The following CDH1 variants were observed in gnomAD, a reference collection of about 807,000 sequenced individuals.
CDH1 encodes the protein cadherin-1.
CDH1 carries 35 observed loss-of-function variants against 84.5 expected under a neutral mutation model. That is an observed-to-expected ratio of 0.41 (90% CI 0.32 to 0.55). CDH1 has a LOEUF of 0.55. Among genes scored for constraint, CDH1 ranks in the 20% least tolerant of loss-of-function variants. The pLI is 0.19. For synonymous variants in CDH1, 417 were observed against 439.0 expected (o/e 0.95, Z 0.63); for missense variants, 994 against 1,126.6 (o/e 0.88, Z 1.68).
intron 2 of CDH1, among the ~76,000 whole-genome samples, chr16:68,762,525 T>C (rs933057849): frequency 1.3e-5 from 2 of 152,058 alleles, no homozygotes; most frequent in Non-Finnish European, 2.9e-5. Flanking sequence ...ACTTTTGCAG[T>C]GAGGGAGTGC....
At chr16:68,762,648 C>G (rs995500456) in intron 2 of CDH1, among the ~76,000 whole-genome samples, 1 of 152,168 alleles carries the variant, frequency 6.6e-6, no homozygotes, top group African/African-American at 2.4e-5. Context: ...GTGGATCACG[C>G]CTGTATTCTC....
intron 2 of CDH1, among the ~76,000 whole-genome samples, chr16:68,792,033 G>A (rs986518412): frequency 6.6e-6 from 1 of 151,456 alleles, no homozygotes; most frequent in South Asian, 2.1e-4. Context: ...CAATTCTCCT[G>A]CCTTACTCTC....
At chr16:68,796,073 G>T (rs1033981944) in intron 2 of CDH1, among the ~76,000 whole-genome samples, 2 of 151,970 alleles carry the variant, frequency 1.3e-5, no homozygotes, top group Non-Finnish European at 2.9e-5. Flanking sequence ...TGGGGCAGGA[G>T]AATGGCTTGA....
At chr16:68,793,170 C>G (rs1048500673) in intron 2 of CDH1, among the ~76,000 whole-genome samples, 3 of 152,152 alleles carry the variant, frequency 2.0e-5, no homozygotes, top group Non-Finnish European at 2.9e-5. Flanking sequence ...CTTATCTTCC[C>G]TGGAAAAATG....
At chr16:68,754,985 T>C (rs1273914618) in intron 2 of CDH1, among the ~76,000 whole-genome samples, 3 of 152,042 alleles carry the variant, frequency 2.0e-5, no homozygotes, top group Non-Finnish European at 2.9e-5. Flanking sequence ...AGGTGCTCAA[T>C]AGATGTTAGA....
At chr16:68,804,706 C>G (rs1960605009) in intron 3 of CDH1, among the ~76,000 whole-genome samples, 1 of 151,808 alleles carries the variant, frequency 6.6e-6, no homozygotes, top group Admixed American at 6.6e-5. Context: ...CTCTATAGTT[C>G]AAAGGATCCT....
chr16:68,830,910 A>G (rs1022306362), intron 15 of CDH1, among the ~76,000 whole-genome samples: 1 of 152,068 alleles, frequency 6.6e-6, no homozygotes, highest in Admixed American at 6.6e-5. Flanking sequence ...GGATAAGATG[A>G]GAAAGAACCC....
At chr16:68,769,775 A>C (rs568817877) in intron 2 of CDH1, among the ~76,000 whole-genome samples, 1 of 151,996 alleles carries the variant, frequency 6.6e-6, no homozygotes, top group East Asian at 2.0e-4. Flanking sequence ...AAAAGATAAA[A>C]ACATTAGCTG....
At chr16:68,750,519 C>T (rs1962861317) in intron 2 of CDH1, among the ~76,000 whole-genome samples, 1 of 151,938 alleles carries the variant, frequency 6.6e-6, no homozygotes, top group East Asian at 1.9e-4. Context: ...TAAACGGTGG[C>T]CAGCTCAGGA....
rs182311884 is a variant in CDH1, at chr16:68,797,670, G to A, written c.164-4000G>A. 5.2e-3 allele frequency among the ~76,000 whole-genome samples: 792 copies of A among 152,234 alleles called. 5 individuals carry two copies. The highest frequency in any genetic ancestry group is 8.9e-3 in the Non-Finnish European group (605 of 67,996). ...ATTCCACCCTAGGTGACAGAGACCT[G>A]TCTCAAAAAGCACACAAATAAAATT... On this transcript the variant is annotated intron_variant, in intron 2 of 15. Coordinates refer to ENST00000261769, the MANE Select transcript of CDH1 (RefSeq NM_004360.5).
At chr16:68,759,487 CT>C (rs141278700) in intron 2 of CDH1, among the ~76,000 whole-genome samples, 288 of 136,054 alleles carry the variant, frequency 2.1e-3, no homozygotes, top group Non-Finnish European at 2.3e-3. Flanking sequence ...TCTTTTCTTT[CT>C]TTTTTTTTTT....
intron 2 of CDH1, among the ~76,000 whole-genome samples, chr16:68,768,012 A>G (rs910445144): frequency 7.2e-5 from 11 of 151,928 alleles, no homozygotes; most frequent in Admixed American, 1.3e-4. Flanking sequence ...CTGGAGTGCA[A>G]TGGCACGCTT....
At chr16:68,812,436 T>G (rs891180563) in intron 8 of CDH1, among the ~76,000 whole-genome samples, 173 bp downstream of exon 8, 1 of 152,222 alleles carries the variant, frequency 6.6e-6, no homozygotes, top group Admixed American at 6.5e-5. Flanking sequence ...TTAGTATCTT[T>G]TTTCCACCCT....
At chr16:68,829,866 G>T (rs2152142581) in intron 15 of CDH1, 69 bp downstream of exon 15, 1 of 1,477,128 alleles carries the variant, frequency 6.8e-7, no homozygotes, top group South Asian at 1.1e-5. Flanking sequence ...TGTCAAAAAT[G>T]AGAAAAAGAG....
At chr16:68,805,360 G>T (rs10431923) in intron 3 of CDH1, among the ~76,000 whole-genome samples, 67,819 of 151,924 alleles carry the variant, frequency 0.45, 16,327 homozygotes, top group East Asian at 0.53. Context: ...CACGTGCAGT[G>T]TTTTCAGGCA....
intron 2 of CDH1, among the ~76,000 whole-genome samples, chr16:68,779,942 A>G (rs199774651): frequency 3.1e-3 from 470 of 152,284 alleles, no homozygotes; most frequent in Admixed American, 6.0e-3. Context: ...AAACCCTCTC[A>G]TCTGCAGATA....
rs3074434 is a variant in CDH1, at chr16:68,786,534, C to CTTTTTTTTTTTTTT, written c.164-15130_164-15117dup. On this transcript the variant is annotated intron_variant, in intron 2 of 15. Transcript: ENST00000261769. ...CTTTCTGCTTTCTTTTTTTTTTTTT[C>CTTTTTTTTTTTTTT]TTTTTTTTTTTTTTTTTTTGGTATT... is the stretch of plus-strand genomic sequence containing the variant. 3.4e-3 allele frequency among the ~76,000 whole-genome samples: 250 copies of CTTTTTTTTTTTTTT among 73,892 alleles called. 2 individuals carry two copies. Among genetic ancestry groups the CTTTTTTTTTTTTTT allele is most frequent in the East Asian group, 5.3e-3 (13 of 2,456 alleles). 48.5% of individuals were successfully genotyped at this position (73,892 alleles called of 152,430 possible).
At position 68,833,171 on chromosome 16, in the gene CDH1, C is replaced by T. The variant is rs116206419; in HGVS notation, c.2440-119C>T. On this transcript the variant is annotated intron_variant, in intron 15 of 15. Coordinates refer to ENST00000261769, the MANE Select transcript of CDH1 (RefSeq NM_004360.5). The stretch of plus-strand genomic sequence containing the variant: ...TGTACGTTGTTGGTGTTCACTGCTC[C>T]GTGGTGTGCCACAAGTCTGGGTGCA... 1,584 of 813,128 alleles carry T rather than the reference C, an allele frequency of 1.9e-3. 20 individuals carry two copies. In the African/African-American group the frequency reaches 0.024, roughly 12 times the overall value. The allele number at this position is 813,128 out of a possible 1,614,324, so 50.4% of individuals were successfully genotyped here. A position where few individuals can be genotyped will look rare whatever the true frequency, so the allele number is the denominator to read the frequency against.
chr16:68,778,871 T>G (rs535549729), intron 2 of CDH1, among the ~76,000 whole-genome samples: 3 of 152,250 alleles, frequency 2.0e-5, no homozygotes, highest in African/African-American at 7.2e-5. Flanking sequence ...TGGAATTGAT[T>G]GAGGGGGAGA....
Sources: gnomAD v4.1 joint callset for allele counts (sites outside exome capture counted in the v4.1 genomes callset) on GRCh38, gnomAD v4.1.1 for gene constraint, MANE v1.5 for transcripts, NCBI Gene and HGNC (gene_info 2026-07-23, HGNC 2026-07-21) for gene names.